Variants in SRPK1 observed in about 807,000 individuals in gnomAD.
SRPK1 encodes the protein SRSF protein kinase 1, also known as SFRS protein kinase 1.
Under a neutral mutation model 89.5 loss-of-function variants are expected in SRPK1, and 52 were observed. That is an observed-to-expected ratio of 0.58 (90% CI 0.46 to 0.73). SRPK1 has a LOEUF of 0.73. Among genes scored for constraint, SRPK1 ranks in the 30% least tolerant of loss-of-function variants. The probability of loss-of-function intolerance (pLI) is 0.00; values close to 1 mark genes in which losing one functional copy is unlikely to be tolerated. For missense variants in SRPK1, 603 were observed against 780.6 expected, an observed-to-expected ratio of 0.77 and a Z score of 2.71; for synonymous variants, 255 against 270.2, an observed-to-expected ratio of 0.94 and a Z score of 0.55.
At chr6:35,875,032 C>T (rs911239929) in intron 6 of SRPK1, among the ~76,000 whole-genome samples, 1 of 152,146 alleles carries the variant, frequency 6.6e-6, no homozygotes, top group African/African-American at 2.4e-5. Context: ...CTGGCTTCTA[C>T]ATGCAAGTTA....
In SRPK1 at chr6:35,834,403, A is replaced by G. The variant is rs1769131155; in HGVS notation, c.*901T>C. ...AAGATCTATTTTTCTTAAATGGGAAAGCTCTGAAACCCAGATCTCCGTTCT... is the reference window on the plus strand; with the variant it reads ...AAGATCTATTTTTCTTAAATGGGAAGGCTCTGAAACCCAGATCTCCGTTCT... On this transcript the variant is annotated 3_prime_UTR_variant, in exon 16 of 16. Transcript: ENST00000373825. 1 of 152,208 alleles carries G rather than the reference A, an allele frequency of 6.6e-6. No individual in the cohort carries two copies. Among genetic ancestry groups the G allele is most frequent in the Non-Finnish European group, 1.5e-5 (1 of 68,030 alleles). The allele number at this position is 152,208 out of a possible 1,614,324, so 9.4% of individuals were successfully genotyped here.
In SRPK1 at chr6:35,850,463, A is replaced by ACAGAT. The variant is rs1416342544; in HGVS notation, c.1620+6793_1620+6797dup. ...AGGCCAAAAGAGGGTTACAATAGCC[A>ACAGAT]CAGATCAAAAAGGAAGGTTGGGAAA... On this transcript the variant is annotated intron_variant, in intron 13 of 15. Coordinates refer to ENST00000373825, the MANE Select transcript of SRPK1 (RefSeq NM_003137.5). 1.4e-4 allele frequency among the ~76,000 whole-genome samples: 22 copies of ACAGAT among 152,330 alleles called. No individual in the cohort carries two copies. In the East Asian group the frequency reaches 4.2e-3, roughly 29 times the overall value.
chr6:35,901,617 G>T (rs1166234882), intron 2 of SRPK1, among the ~76,000 whole-genome samples: 1 of 152,164 alleles, frequency 6.6e-6, no homozygotes, highest in Non-Finnish European at 1.5e-5. Context: ...TCTCTTGAAG[G>T]AAAGGACTGT....
intron 2 of SRPK1, among the ~76,000 whole-genome samples, chr6:35,895,877 GGT>G (rs1770617900): frequency 6.6e-6 from 1 of 152,108 alleles, no homozygotes; most frequent in African/African-American, 2.4e-5. Flanking sequence ...GGCCCAAGAG[GGT>G]GAAGTATGGA....
intron 13 of SRPK1, among the ~76,000 whole-genome samples, chr6:35,845,858 A>C (rs1365628911): frequency 6.6e-6 from 1 of 152,200 alleles, no homozygotes; most frequent in Non-Finnish European, 1.5e-5. Flanking sequence ...TCAATGTATT[A>C]ACTTAAGGGC....
chr6:35,872,321 G>T (rs1770050685), intron 8 of SRPK1, among the ~76,000 whole-genome samples: 1 of 152,038 alleles, frequency 6.6e-6, no homozygotes, highest in African/African-American at 2.4e-5. Flanking sequence ...CAACTCATAA[G>T]AAAAAATATT....
rs760221706 is a variant in SRPK1 at position 35,870,943 on chromosome 6, C to G, written c.768G>C (p.Gln256His). The G allele has an allele frequency of 1.2e-6, 2 of 1,608,848 alleles. No homozygotes were observed. Among genetic ancestry groups the G allele is most frequent in the South Asian group, 2.2e-5 (2 of 90,434 alleles). ...AACACCTTATACTTACTGGTTTAGGCTGGGGAGCAGTACTGACTGAAAAGA... is the reference window on the plus strand; with the variant it reads ...AACACCTTATACTTACTGGTTTAGGGTGGGGAGCAGTACTGACTGAAAAGA... ...PSGSAVSTAP[Q>H]PKPADKMSKN... Residue 256 changes from glutamine (Q) to histidine (H), a missense_variant, in exon 9 of 16, where the codon CAG (glutamine) becomes CAC (histidine). By Grantham distance (24) the Gln-to-His change is conservative. Coordinates refer to ENST00000373825, the MANE Select transcript of SRPK1 (RefSeq NM_003137.5).
chr6:35,840,613 T>C (rs902720305), intron 14 of SRPK1, among the ~76,000 whole-genome samples: 1 of 152,216 alleles, frequency 6.6e-6, no homozygotes, highest in Non-Finnish European at 1.5e-5. Flanking sequence ...TTGCAACCTA[T>C]TTTGGCTTAT....
At chr6:35,897,301 A>T (rs1770645676) in intron 2 of SRPK1, among the ~76,000 whole-genome samples, 1 of 152,208 alleles carries the variant, frequency 6.6e-6, no homozygotes, top group South Asian at 2.1e-4. Flanking sequence ...GTACAAGTGA[A>T]CTATATCTTC....
chr6:35,886,440 T>C (rs752883152), intron 6 of SRPK1, among the ~76,000 whole-genome samples: 11 of 152,144 alleles, frequency 7.2e-5, no homozygotes, highest in Non-Finnish European at 1.2e-4. Context: ...CTGACAAAAA[T>C]CATAGACTCT....
chr6:35,884,782 C>T (rs1423438306), intron 6 of SRPK1, among the ~76,000 whole-genome samples: 1 of 152,056 alleles, frequency 6.6e-6, no homozygotes, highest in East Asian at 1.9e-4. Flanking sequence ...GGGCAGATCA[C>T]CTGAGGTCAG....
chr6:35,886,884 C>T, intron 5 of SRPK1, 73 bp from the exon 6 acceptor site: 1 of 802,542 alleles, frequency 1.2e-6, no homozygotes, highest in Non-Finnish European at 2.1e-6. Flanking sequence ...GGGAAGAATA[C>T]TTACAGCAAA....
intron 2 of SRPK1, among the ~76,000 whole-genome samples, chr6:35,893,808 C>T (rs550213252): frequency 6.6e-6 from 1 of 152,028 alleles, no homozygotes; most frequent in East Asian, 1.9e-4. Flanking sequence ...GCCAGGAGTT[C>T]AAGACCAGCC....
At chr6:35,875,791 T>A (rs750181271) in intron 6 of SRPK1, among the ~76,000 whole-genome samples, 3 of 152,110 alleles carry the variant, frequency 2.0e-5, no homozygotes, top group Non-Finnish European at 4.4e-5. Flanking sequence ...TGTCAAAATA[T>A]CATTCCACAG....
At chr6:35,897,255 C>T (rs1294878458) in intron 2 of SRPK1, among the ~76,000 whole-genome samples, 1 of 152,062 alleles carries the variant, frequency 6.6e-6, no homozygotes, top group Non-Finnish European at 1.5e-5. Context: ...AAATATAGTG[C>T]TTTATTGAGA....
intron 6 of SRPK1, among the ~76,000 whole-genome samples, chr6:35,882,182 A>C (rs1300289949): frequency 4.0e-5 from 6 of 149,486 alleles, no homozygotes; most frequent in African/African-American, 1.2e-4. Flanking sequence ...GCAGAAGAAG[A>C]AGAAGACAAA....
chr6:35,915,556 A>G (rs944489675), intron 2 of SRPK1, among the ~76,000 whole-genome samples: 10 of 152,194 alleles, frequency 6.6e-5, no homozygotes, highest in Non-Finnish European at 1.3e-4. Flanking sequence ...ATTATTCACT[A>G]TAGCTGTGAA....
intron 6 of SRPK1, among the ~76,000 whole-genome samples, chr6:35,883,460 TACTTAA>T (rs1011081198): frequency 1.0e-4 from 14 of 135,412 alleles, no homozygotes; most frequent in African/African-American, 3.0e-4. Context: ...AAATGCAGAT[TACTTAA>T]AAAGACTAAA....
chr6:35,885,260 A>AACACAC (rs71540130), intron 6 of SRPK1, among the ~76,000 whole-genome samples: 3,060 of 111,632 alleles, frequency 0.027, 40 homozygotes, highest in Middle Eastern at 0.034. Context: ...TAATTCTTTG[A>AACACAC]ACACACACAC....
Sources: gnomAD v4.1 joint callset for allele counts (sites outside exome capture counted in the v4.1 genomes callset) on GRCh38, gnomAD v4.1.1 for gene constraint, MANE v1.5 for transcripts, NCBI Gene and HGNC (gene_info 2026-07-23, HGNC 2026-07-21) for gene names.